COL11A1: variants seen among roughly 807,000 people sequenced by gnomAD.
The protein encoded by COL11A1 is collagen type XI alpha 1 chain.
A neutral mutation model predicts 265.2 loss-of-function variants in COL11A1; 74 were observed. That is an observed-to-expected ratio of 0.28 (90% CI 0.23 to 0.34). COL11A1 has a LOEUF of 0.34. Ranked by LOEUF, COL11A1 falls within the 10% of genes least tolerant of loss-of-function variation. The pLI is 1.00. For missense variants in COL11A1, 2,165 were observed against 2,263.6 expected (o/e 0.96, Z 0.88); for synonymous variants, 816 against 727.6 (o/e 1.12, Z -1.96).
chr1:102,928,000 G>C (rs546557211), intron 46 of COL11A1, among the ~76,000 whole-genome samples: 1 of 152,042 alleles, frequency 6.6e-6, no homozygotes, highest in Non-Finnish European at 1.5e-5. Context: ...CTCCAGATCC[G>C]CCCCTGTCTG....
intron 4 of COL11A1, among the ~76,000 whole-genome samples, chr1:103,066,560 A>G (rs1671166288): frequency 6.6e-6 from 1 of 151,340 alleles, no homozygotes; most frequent in Non-Finnish European, 1.5e-5. Context: ...AGCACCAAAA[A>G]AAAAAAAAAA....
intron 21 of COL11A1, 92 bp downstream of exon 21, chr1:103,003,123 C>G (rs977635892): frequency 1.5e-5 from 19 of 1,284,878 alleles, no homozygotes; most frequent in Non-Finnish European, 2.0e-5. Flanking sequence ...AGGCAATAAA[C>G]TCTTGGCTCT....
At chr1:103,037,092 T>C (rs1217236239) in intron 4 of COL11A1, among the ~76,000 whole-genome samples, 2 of 151,108 alleles carry the variant, frequency 1.3e-5, no homozygotes, top group Admixed American at 6.6e-5. Flanking sequence ...AATGCACATA[T>C]GCTAACTTTT....
chr1:103,021,188 A>G (rs1247050430), intron 9 of COL11A1, among the ~76,000 whole-genome samples: 1 of 151,310 alleles, frequency 6.6e-6, no homozygotes, highest in Non-Finnish European at 1.5e-5. Flanking sequence ...AATAATATTG[A>G]TATAAATTTT....
rs17127232 is a variant in COL11A1 at position 102,927,852 on chromosome 1, C to T, written c.3601-4463G>A. On this transcript the variant is annotated intron_variant, in intron 46 of 66. Transcript: ENST00000370096. Reference sequence around the variant, plus strand: ...TAAATGATCGACTTAATTTATTTTACCTATTATTGTTTAACATGTGCTGTT... The same window carrying T: ...TAAATGATCGACTTAATTTATTTTATCTATTATTGTTTAACATGTGCTGTT... Among the ~76,000 whole-genome samples, 29 of 152,028 alleles carry T rather than the reference C, an allele frequency of 1.9e-4. No homozygotes were observed. In the East Asian group the frequency reaches 5.6e-3, roughly 29 times the overall value.
chr1:102,940,857 T>A (rs1235450231), intron 42 of COL11A1, among the ~76,000 whole-genome samples: 1 of 152,206 alleles, frequency 6.6e-6, no homozygotes, highest in Non-Finnish European at 1.5e-5. Flanking sequence ...ATATGTTTCA[T>A]ATGTAACTTT....
chr1:103,012,913 G>A (rs1187542762), intron 13 of COL11A1, among the ~76,000 whole-genome samples: 1 of 151,948 alleles, frequency 6.6e-6, no homozygotes, highest in Non-Finnish European at 1.5e-5. Flanking sequence ...AACAAAACTG[G>A]TCAGGAAGTG....
chr1:102,938,934 A>G lies in COL11A1; in HGVS notation c.3438+101T>C. On this transcript the variant is annotated intron_variant, in intron 44 of 66. Coordinates refer to ENST00000370096, the MANE Select transcript of COL11A1 (RefSeq NM_001854.4). ...GTAATGTAGTATTGGTATTATAAGT[A>G]TTGGCTAGGAAAGTAAGTAGCACTA... 5.2e-6 allele frequency: 5 copies of G among 962,950 alleles called. No homozygotes were observed. In the South Asian group the frequency reaches 6.4e-5, roughly 12 times the overall value. The allele number at this position is 962,950 out of a possible 1,614,324, so 59.7% of individuals were successfully genotyped here.
intron 63 of COL11A1, among the ~76,000 whole-genome samples, chr1:102,883,827 G>C (rs1191453407): frequency 6.6e-6 from 1 of 151,560 alleles, no homozygotes; most frequent in African/African-American, 2.4e-5. Flanking sequence ...AAAACTTCTT[G>C]CAATAAATGT....
intron 30 of COL11A1, among the ~76,000 whole-genome samples, chr1:102,985,091 C>T (rs1449104261): frequency 1.3e-5 from 2 of 151,686 alleles, no homozygotes; most frequent in Non-Finnish European, 2.9e-5. Context: ...TACTGTGCAT[C>T]CATTTACCTA....
At chr1:103,066,041 G>A (rs948357817) in intron 4 of COL11A1, among the ~76,000 whole-genome samples, 3 of 152,114 alleles carry the variant, frequency 2.0e-5, no homozygotes, top group African/African-American at 7.2e-5. Flanking sequence ...TCTATGGTCA[G>A]TGAAAATATC....
At chr1:103,051,286 C>T (rs939014746) in intron 4 of COL11A1, among the ~76,000 whole-genome samples, 2 of 152,212 alleles carry the variant, frequency 1.3e-5, no homozygotes, top group African/African-American at 2.4e-5. Flanking sequence ...TTTACCTAAT[C>T]AAGTCTTGGC....
chr1:103,013,519 CATT>C (rs1319605351), intron 13 of COL11A1, among the ~76,000 whole-genome samples: 1 of 151,704 alleles, frequency 6.6e-6, no homozygotes, highest in Non-Finnish European at 1.5e-5. Flanking sequence ...TTTAGATTTG[CATT>C]ATGCCAAAAT....
intron 2 of COL11A1, 94 bp from the exon 3 acceptor site, chr1:103,078,965 C>A (rs1198051262): frequency 1.2e-6 from 1 of 843,980 alleles, no homozygotes; most frequent in South Asian, 1.5e-5. Context: ...TTCTACATGG[C>A]CTTTATAAAT....
intron 2 of COL11A1, 94 bp downstream of exon 2, chr1:103,082,711 A>G: frequency 9.3e-7 from 1 of 1,076,444 alleles, no homozygotes. Flanking sequence ...TAAAAATACT[A>G]ATTAGTAAAG....
At chr1:102,972,336 T>C (rs188166909) in intron 36 of COL11A1, among the ~76,000 whole-genome samples, 13 of 152,262 alleles carry the variant, frequency 8.5e-5, no homozygotes, top group African/African-American at 2.6e-4. Context: ...TTTGCTGACA[T>C]AGATAACACA....
At chr1:102,952,537 G>A (rs908024691) in intron 41 of COL11A1, among the ~76,000 whole-genome samples, 1 of 152,196 alleles carries the variant, frequency 6.6e-6, no homozygotes, top group African/African-American at 2.4e-5. Flanking sequence ...TTACTTTTCT[G>A]TAGTTAAAAT....
intron 53 of COL11A1, 128 bp downstream of exon 53, chr1:102,913,509 G>T (rs1654943432): frequency 2.4e-6 from 2 of 846,126 alleles, no homozygotes; most frequent in Admixed American, 2.4e-5. Context: ...AAATTTTTTT[G>T]ATAATTCTTT....
chr1:102,949,087 G>T (rs1441743005), intron 41 of COL11A1, among the ~76,000 whole-genome samples: 1 of 152,010 alleles, frequency 6.6e-6, no homozygotes, highest in East Asian at 1.9e-4. Context: ...AAAAAAGTCA[G>T]TAATAAAAGT....
Sources: gnomAD v4.1 joint callset for allele counts (sites outside exome capture counted in the v4.1 genomes callset) on GRCh38, gnomAD v4.1.1 for gene constraint, MANE v1.5 for transcripts, NCBI Gene and HGNC (gene_info 2026-07-23, HGNC 2026-07-21) for gene names.